The following GRM8 variants were observed in gnomAD, a reference collection of about 807,000 sequenced individuals.
GRM8 encodes the protein glutamate metabotropic receptor 8.
A neutral mutation model predicts 87.2 loss-of-function variants in GRM8; 47 were observed. The ratio of observed to expected loss-of-function variants is 0.54; its 90% CI spans 0.43 to 0.69. GRM8 has a LOEUF of 0.69. Ranked by LOEUF, GRM8 falls within the 30% of genes least tolerant of loss-of-function variation. The probability of loss-of-function intolerance (pLI) is 0.00; values close to 1 mark genes in which losing one functional copy is unlikely to be tolerated. For synonymous variants in GRM8, 396 were observed against 404.5 expected, an observed-to-expected ratio of 0.98 and a Z score of 0.25; for missense variants, 1,019 against 1,139.2, an observed-to-expected ratio of 0.89 and a Z score of 1.52.
chr7:126,442,004 GAA>G (rs35430032), intron 10 of GRM8, among the ~76,000 whole-genome samples: 119,231 of 150,982 alleles, frequency 0.79, 47,009 homozygotes, highest in Middle Eastern at 0.91. Flanking sequence ...CAAAATGCGT[GAA>G]AAAAAAAAAA....
chr7:127,084,361 AAAT>A (rs1823227528), intron 3 of GRM8: 1 of 152,228 alleles, frequency 6.6e-6, no homozygotes, highest in Admixed American at 6.5e-5. Flanking sequence ...TATTTTAAGA[AAAT>A]AAGTAAAAAT....
chr7:127,011,066 T>C lies in GRM8; in HGVS notation c.727+95430A>G, dbSNP rs558989145. 1.3e-3 allele frequency among the ~76,000 whole-genome samples: 196 copies of C among 152,240 alleles called. 1 individual carries two copies. The highest frequency in any genetic ancestry group is 4.6e-3 in the African/African-American group (192 of 41,550). Reference sequence around the variant, plus strand: ...TTATACTATATCATTTTCTCACATATTATCTCTTTTTTAAAATCCATGTAT... The same window carrying C: ...TTATACTATATCATTTTCTCACATACTATCTCTTTTTTAAAATCCATGTAT... On this transcript the variant is annotated intron_variant, in intron 3 of 10. Coordinates refer to ENST00000339582, the MANE Select transcript of GRM8 (RefSeq NM_000845.3).
At chr7:126,951,274 T>A (rs982862164) in intron 3 of GRM8, among the ~76,000 whole-genome samples, 2 of 151,988 alleles carry the variant, frequency 1.3e-5, no homozygotes, top group Non-Finnish European at 2.9e-5. Context: ...AAAGAAACTA[T>A]CTACAGAGGG....
chr7:126,635,703 C>G (rs890271937), intron 7 of GRM8, among the ~76,000 whole-genome samples: 5 of 152,048 alleles, frequency 3.3e-5, no homozygotes, highest in Admixed American at 2.0e-4. Context: ...AATTCCCTAT[C>G]CAAATGCATA....
chr7:126,508,353 G>T (rs1054666077), intron 9 of GRM8, among the ~76,000 whole-genome samples: 1 of 151,830 alleles, frequency 6.6e-6, no homozygotes, highest in Non-Finnish European at 1.5e-5. Context: ...AGGCCCTCTT[G>T]CTGTGTCATC....
chr7:126,911,900 G>A (rs1378510735), intron 3 of GRM8, among the ~76,000 whole-genome samples: 1 of 152,138 alleles, frequency 6.6e-6, no homozygotes, highest in Non-Finnish European at 1.5e-5. Flanking sequence ...TTCTAGGTGT[G>A]TCAGAAAAGA....
intron 7 of GRM8, among the ~76,000 whole-genome samples, chr7:126,739,423 CA>C (rs1336585182): frequency 3.9e-5 from 6 of 152,020 alleles, no homozygotes; most frequent in Non-Finnish European, 5.9e-5. Context: ...CACACACACA[CA>C]CACACACCAC....
chr7:126,840,322 C>T (rs946359188), intron 6 of GRM8, among the ~76,000 whole-genome samples: 2 of 152,122 alleles, frequency 1.3e-5, no homozygotes, highest in African/African-American at 4.8e-5. Context: ...TTAGGTTTAG[C>T]TCTATTACCT....
chr7:126,714,462 C>T (rs1279393517), intron 7 of GRM8, among the ~76,000 whole-genome samples: 3 of 151,928 alleles, frequency 2.0e-5, no homozygotes, highest in African/African-American at 4.8e-5. Flanking sequence ...TGGAAAAAAC[C>T]TAAGTTACAG....
chr7:127,029,909 T>A (rs1430009757), intron 3 of GRM8, among the ~76,000 whole-genome samples: 1 of 152,104 alleles, frequency 6.6e-6, no homozygotes, highest in Non-Finnish European at 1.5e-5. Flanking sequence ...AGTTCTTATA[T>A]GTCCTCTGTC....
chr7:127,139,732 G>T lies in GRM8; in HGVS notation c.511-33020C>A, dbSNP rs187272867. Among the ~76,000 whole-genome samples, 175 of 152,166 alleles carry T rather than the reference G, an allele frequency of 1.2e-3. 1 individual carries two copies. The highest frequency in any genetic ancestry group is 4.2e-3 in the African/African-American group (174 of 41,486). On this transcript the variant is annotated intron_variant, in intron 2 of 10. Transcript: ENST00000339582. ...GCCTGTGTTAGAGTAGACCAAGACT[G>T]GGCAGTAGGCAGAAATTCATGGAAA... is the stretch of plus-strand genomic sequence containing the variant.
At chr7:126,838,120 T>A (rs571152440) in intron 6 of GRM8, among the ~76,000 whole-genome samples, 8 of 152,346 alleles carry the variant, frequency 5.3e-5, no homozygotes, top group Non-Finnish European at 1.0e-4. Flanking sequence ...TTAAAAATAA[T>A]ATCATTAAAA....
At position 126,647,330 on chromosome 7, in the gene GRM8, GATAGATAGATAGAT is replaced by G. The variant is rs1157406226; in HGVS notation, c.1358-37846_1358-37833del. Among the ~76,000 whole-genome samples the G allele has an allele frequency of 5.9e-3, 358 of 60,342 alleles. 3 individuals carry two copies. Among genetic ancestry groups the G allele is most frequent in the African/African-American group, 0.016 (338 of 21,180 alleles). The allele number at this position is 60,342 out of a possible 152,430, so 39.6% of individuals were successfully genotyped here. On this transcript the variant is annotated intron_variant, in intron 7 of 10. Coordinates refer to ENST00000339582, the MANE Select transcript of GRM8 (RefSeq NM_000845.3). ...AGATAGATAGATAGATAGATAGATA[GATAGATAGATAGAT>G]ATAGATATAGATAGATATAAATAGA... is the stretch of plus-strand genomic sequence containing the variant.
At chr7:126,637,908 T>C (rs1479276443) in intron 7 of GRM8, among the ~76,000 whole-genome samples, 1 of 152,072 alleles carries the variant, frequency 6.6e-6, no homozygotes. Flanking sequence ...GATACAAATA[T>C]ATACGAGATC....
chr7:127,098,096 C>T (rs1185646085), intron 3 of GRM8, among the ~76,000 whole-genome samples: 2 of 152,180 alleles, frequency 1.3e-5, no homozygotes, highest in African/African-American at 4.8e-5. Flanking sequence ...ACCTGCAGTT[C>T]CAATTTGCAA....
chr7:127,162,287 C>A (rs2106184), intron 2 of GRM8, among the ~76,000 whole-genome samples: 19,721 of 152,230 alleles, frequency 0.13, 1,358 homozygotes, highest in Non-Finnish European at 0.15. Context: ...GCCCCTTCCT[C>A]AGCTCTAACA....
chr7:127,101,149 T>C (rs555115122), intron 3 of GRM8, among the ~76,000 whole-genome samples: 100 of 152,306 alleles, frequency 6.6e-4, no homozygotes, highest in African/African-American at 2.1e-3. Context: ...AAGCTCTGTG[T>C]CCCGTTACTA....
At chr7:127,078,998 T>C (rs931537613) in intron 3 of GRM8, among the ~76,000 whole-genome samples, 11 of 152,318 alleles carry the variant, frequency 7.2e-5, no homozygotes, top group Admixed American at 2.6e-4. Flanking sequence ...TTCTAATCAA[T>C]AATTTTGATC....
chr7:127,210,476 C>T (rs2237804), intron 2 of GRM8, among the ~76,000 whole-genome samples: 22,970 of 152,238 alleles, frequency 0.15, 2,195 homozygotes, highest in Middle Eastern at 0.2. Flanking sequence ...TAGCCTCTGG[C>T]CCATTCAAGT....
Sources: allele counts gnomAD v4.1 joint callset (sites outside exome capture counted in the v4.1 genomes callset), GRCh38; gene constraint gnomAD v4.1.1; transcripts MANE v1.5; gene names NCBI Gene and HGNC (gene_info 2026-07-23, HGNC 2026-07-21).